Variants in PARD3B observed in about 807,000 individuals in gnomAD.
PARD3B encodes par-3 family cell polarity regulator beta, also known as partitioning defective 3 homolog B.
A neutral mutation model predicts 130.2 loss-of-function variants in PARD3B; 103 were observed. That is an observed-to-expected ratio of 0.79 (90% CI 0.67 to 0.93). The LOEUF (loss-of-function observed/expected upper bound fraction) is 0.93, where lower values mean the gene tolerates loss of function less well. Ranked by LOEUF, PARD3B falls within the 40% of genes least tolerant of loss-of-function variation. The pLI, the probability that PARD3B is intolerant of heterozygous loss-of-function variation, is 0.00. For missense variants in PARD3B, 1,609 were observed against 1,499.2 expected, an observed-to-expected ratio of 1.07 and a Z score of -1.21; for synonymous variants, 583 against 553.2, an observed-to-expected ratio of 1.05 and a Z score of -0.76.
intron 22 of PARD3B, among the ~76,000 whole-genome samples, chr2:205,601,504 T>C (rs1450498682): frequency 6.6e-6 from 1 of 152,224 alleles, no homozygotes; most frequent in Non-Finnish European, 1.5e-5. Context: ...TTAGTTTAAT[T>C]AGATCCCATT....
chr2:204,819,489 C>T (rs1279387741), intron 2 of PARD3B, among the ~76,000 whole-genome samples: 1 of 152,172 alleles, frequency 6.6e-6, no homozygotes, highest in African/African-American at 2.4e-5. Context: ...CCTCTCTCTT[C>T]CTTGAGACAC....
chr2:205,512,664 C>T (rs564763570), intron 21 of PARD3B, among the ~76,000 whole-genome samples: 2 of 152,238 alleles, frequency 1.3e-5, no homozygotes, highest in South Asian at 4.1e-4. Context: ...TCAACACTTA[C>T]CTACAAGGAA....
At chr2:204,787,512 A>G (rs971742483) in intron 2 of PARD3B, among the ~76,000 whole-genome samples, 1 of 152,172 alleles carries the variant, frequency 6.6e-6, no homozygotes, top group Non-Finnish European at 1.5e-5. Context: ...ATCTAGTCAT[A>G]CTTGATCTCA....
At chr2:205,383,091 G>A (rs1425515894) in intron 18 of PARD3B, among the ~76,000 whole-genome samples, 1 of 99,722 alleles carries the variant, frequency 1.0e-5, no homozygotes, top group East Asian at 2.9e-4. Flanking sequence ...TACATAGATA[G>A]ATAGATAGAT....
At chr2:204,650,108 C>CT (rs935367349) in intron 1 of PARD3B, among the ~76,000 whole-genome samples, 4 of 152,114 alleles carry the variant, frequency 2.6e-5, no homozygotes, top group African/African-American at 9.7e-5. Context: ...TGAACAGACA[C>CT]TTTTCAAAAG....
At chr2:205,134,637 A>G (rs958749467) in intron 10 of PARD3B, among the ~76,000 whole-genome samples, 2 of 152,194 alleles carry the variant, frequency 1.3e-5, no homozygotes, top group Non-Finnish European at 2.9e-5. Flanking sequence ...AATCATGGCC[A>G]GCTTTTTGAA....
intron 18 of PARD3B, among the ~76,000 whole-genome samples, chr2:205,365,382 GA>G (rs11401922): frequency 2.1e-5 from 3 of 144,094 alleles, no homozygotes; most frequent in South Asian, 2.2e-4. Context: ...CTCCGTCTCA[GA>G]AAAAAAAAAA....
Position 205,401,017 on chromosome 2 carries a change from G to A in PARD3B, c.2635G>A (p.Gly879Arg), listed in dbSNP as rs1473713655. The change falls in exon 19 of 23, where the codon GGA becomes AGA. Residue 879 changes from glycine to arginine, a missense_variant. By Grantham distance (125) the Gly-to-Arg change is moderately radical (BLOSUM62 -2). Coordinates refer to ENST00000406610, the MANE Select transcript of PARD3B (RefSeq NM_001302769.2). ...TTCTCCTTCACGTTTCACTAGATTT[G>A]GAAAGAAGAAAGAGGATAAGGGTGG... ...KKGFGAMLRF[G>R]KKKEDKGGKA... 1.5e-5 allele frequency: 24 copies of A among 1,592,964 alleles called. No individual in the cohort carries two copies. In the South Asian group the frequency reaches 2.4e-4, roughly 16 times the overall value.
chr2:205,207,137 A>G (rs1433069190), intron 15 of PARD3B, among the ~76,000 whole-genome samples: 7 of 143,024 alleles, frequency 4.9e-5, no homozygotes, highest in Non-Finnish European at 1.1e-4. Flanking sequence ...TAACGAAATG[A>G]AGGCAGAAAT....
chr2:205,304,235 A>G (rs1021608641), intron 18 of PARD3B, among the ~76,000 whole-genome samples: 21 of 152,290 alleles, frequency 1.4e-4, no homozygotes, highest in African/African-American at 5.1e-4. Context: ...CTTGGGAGCG[A>G]TGTTGCCCCT....
At chr2:204,563,257 C>CTCTCTT (rs1553542028) in intron 1 of PARD3B, among the ~76,000 whole-genome samples, 7 of 142,772 alleles carry the variant, frequency 4.9e-5, no homozygotes, top group African/African-American at 1.9e-4. Context: ...CTCTCTCTCT[C>CTCTCTT]TCTCTCTCTT....
intron 18 of PARD3B, among the ~76,000 whole-genome samples, chr2:205,393,042 C>T (rs190908432): frequency 1.3e-5 from 2 of 152,184 alleles, no homozygotes; most frequent in East Asian, 3.9e-4. Context: ...ACAATGGAAC[C>T]ATGTGAGATA....
intron 1 of PARD3B, among the ~76,000 whole-genome samples, chr2:204,609,668 G>A (rs1326085690): frequency 6.6e-6 from 1 of 152,090 alleles, no homozygotes; most frequent in Non-Finnish European, 1.5e-5. Context: ...GATAAGGGGA[G>A]TTATATAGTC....
chr2:205,500,044 A>C lies in PARD3B; in HGVS notation c.3180+13A>C. On this transcript the variant is annotated intron_variant, in intron 21 of 22. Transcript: ENST00000406610. ...TGACCTACTCTGGGTAAGCGCATGC[A>C]TGATTTCAATCGTTGAATTCATCTT... 1 of 1,611,824 alleles carries C rather than the reference A, an allele frequency of 6.2e-7. No individual in the cohort carries two copies.
At chr2:204,597,955 C>G (rs1010152424) in intron 1 of PARD3B, among the ~76,000 whole-genome samples, 8 of 152,272 alleles carry the variant, frequency 5.3e-5, no homozygotes, top group Middle Eastern at 6.8e-3. Flanking sequence ...TGGTGCCTTC[C>G]TATGTAGCAC....
intron 20 of PARD3B, among the ~76,000 whole-genome samples, chr2:205,444,591 C>T (rs969692111): frequency 1.3e-5 from 2 of 152,124 alleles, no homozygotes; most frequent in Non-Finnish European, 2.9e-5. Context: ...GCCACTGAAG[C>T]GTCATAATTG....
intron 18 of PARD3B, among the ~76,000 whole-genome samples, chr2:205,375,493 CA>C (rs1002371463): frequency 1.3e-5 from 2 of 152,168 alleles, no homozygotes; most frequent in African/African-American, 4.8e-5. Flanking sequence ...AAGGTTTAAA[CA>C]CACACACATT....
At chr2:205,270,420 A>T (rs1186439744) in intron 16 of PARD3B, among the ~76,000 whole-genome samples, 1 of 152,068 alleles carries the variant, frequency 6.6e-6, no homozygotes, top group African/African-American at 2.4e-5. Context: ...TACAAAAATT[A>T]GCCAAGTATC....
At chr2:205,074,042 T>C (rs1469217959) in intron 4 of PARD3B, among the ~76,000 whole-genome samples, 2 of 152,200 alleles carry the variant, frequency 1.3e-5, no homozygotes, top group Non-Finnish European at 2.9e-5. Flanking sequence ...CTAATCTTAG[T>C]GGACATTTTA....
Sources: allele counts gnomAD v4.1 joint callset (sites outside exome capture counted in the v4.1 genomes callset), GRCh38; gene constraint gnomAD v4.1.1; transcripts MANE v1.5; gene names NCBI Gene and HGNC (gene_info 2026-07-23, HGNC 2026-07-21).